Variants in SLK observed in about 807,000 individuals in gnomAD.
The protein encoded by SLK is STE20-like serine/threonine-protein kinase.
A neutral mutation model predicts 147.7 loss-of-function variants in SLK; 67 were observed. That is an observed-to-expected ratio of 0.45 (90% CI 0.37 to 0.56). SLK has a LOEUF of 0.56. Among genes scored for constraint, SLK ranks in the 20% least tolerant of loss-of-function variants. The probability of loss-of-function intolerance (pLI) is 0.00; values close to 1 mark genes in which losing one functional copy is unlikely to be tolerated. For missense variants in SLK, 1,136 were observed against 1,438.8 expected, an observed-to-expected ratio of 0.79 and a Z score of 3.41; for synonymous variants, 441 against 475.0, an observed-to-expected ratio of 0.93 and a Z score of 0.93.
At chr10:104,008,455 G>C in intron 12 of SLK, 99 bp downstream of exon 12, 2 of 747,566 alleles carry the variant, frequency 2.7e-6, no homozygotes, top group Non-Finnish European at 2.2e-6. Context: ...ATACTTGAGA[G>C]TTAAATAGCA....
intron 4 of SLK, among the ~76,000 whole-genome samples, chr10:103,996,795 C>G (rs1177546348): frequency 6.6e-6 from 1 of 152,132 alleles, no homozygotes; most frequent in Non-Finnish European, 1.5e-5. Context: ...TGTTTGTTCC[C>G]TTGCATTGAC....
Position 104,025,753 on chromosome 10 carries a change from C to G in SLK, c.*33C>G. ...AAGCATTCTGTGCGTGGGTTTGGCT[C>G]TTTCAGTATGTCATTCTGTTCTCAT... On this transcript the variant is annotated 3_prime_UTR_variant, in exon 19 of 19. Transcript: ENST00000369755. The G allele has an allele frequency of 6.3e-7, 1 of 1,599,328 alleles. No homozygotes were observed. The highest frequency in any genetic ancestry group is 1.1e-5 in the South Asian group (1 of 90,088).
chr10:103,986,191 T>A (rs962802286), intron 1 of SLK, among the ~76,000 whole-genome samples: 3 of 152,038 alleles, frequency 2.0e-5, no homozygotes, highest in African/African-American at 7.2e-5. Flanking sequence ...AAGTGTGTTA[T>A]GTTTATTGTA....
chr10:103,976,457 C>T (rs1843872220), intron 1 of SLK, among the ~76,000 whole-genome samples: 1 of 151,852 alleles, frequency 6.6e-6, no homozygotes, highest in Admixed American at 6.6e-5. Context: ...TTTTGTTAGC[C>T]ATTCTGTTGA....
intron 18 of SLK, among the ~76,000 whole-genome samples, chr10:104,022,519 C>T (rs1844548867): frequency 6.6e-6 from 1 of 152,246 alleles, no homozygotes; most frequent in African/African-American, 2.4e-5. Context: ...TTCCACCATT[C>T]CTTTCTTCCA....
intron 4 of SLK, among the ~76,000 whole-genome samples, chr10:103,994,457 T>C (rs1397193926): frequency 6.6e-6 from 1 of 152,218 alleles, no homozygotes; most frequent in Non-Finnish European, 1.5e-5. Context: ...CATATAAAAC[T>C]TGGGTTTTTA....
chr10:104,025,896 C>T lies in SLK; in HGVS notation c.*176C>T, dbSNP rs143144952. ...TTTTTAAGCAAAGATGAAGGGAAAA[C>T]GAACTAAGACAGACGCTAGGCCATG... On this transcript the variant is annotated 3_prime_UTR_variant, in exon 19 of 19. Coordinates refer to ENST00000369755, the MANE Select transcript of SLK (RefSeq NM_014720.4). 9.4e-5 allele frequency: 50 copies of T among 533,936 alleles called. No homozygotes were observed. Among genetic ancestry groups the T allele is most frequent in the Admixed American group, 4.7e-4 (13 of 27,720 alleles). 33.1% of individuals were successfully genotyped at this position (533,936 alleles called of 1,614,324 possible).
intron 1 of SLK, among the ~76,000 whole-genome samples, chr10:103,986,617 G>T (rs1440071663): frequency 1.3e-5 from 2 of 151,470 alleles, no homozygotes; most frequent in Non-Finnish European, 2.9e-5. Context: ...TTGTGGCCCT[G>T]TGGTTGGGGA....
At chr10:104,007,495 C>A (rs1020359474) in intron 11 of SLK, among the ~76,000 whole-genome samples, 8 of 152,182 alleles carry the variant, frequency 5.3e-5, no homozygotes, top group Admixed American at 5.2e-4. Flanking sequence ...GTAATTCCAG[C>A]TACTCAGGCG....
intron 7 of SLK, 125 bp from the exon 8 acceptor site, chr10:104,001,318 GT>G: frequency 1.3e-6 from 1 of 741,982 alleles, no homozygotes; most frequent in African/African-American, 1.7e-5. Flanking sequence ...ATTATCTGAA[GT>G]TTTCTGTCAT....
intron 13 of SLK, among the ~76,000 whole-genome samples, chr10:104,017,523 A>T (rs561352735): frequency 2.0e-5 from 3 of 152,122 alleles, no homozygotes; most frequent in Admixed American, 6.6e-5. Context: ...TCTGTCACCC[A>T]GGTTGGAATG....
chr10:104,016,318 CAA>C (rs879554654), intron 13 of SLK, among the ~76,000 whole-genome samples: 15 of 126,440 alleles, frequency 1.2e-4, no homozygotes, highest in Admixed American at 4.0e-4. Context: ...GACTCTCTTT[CAA>C]AAAAAAAAAA....
At position 104,002,005 on chromosome 10, in the gene SLK, C is replaced by T. The variant is rs78031361; in HGVS notation, c.994-167C>T. On this transcript the variant is annotated intron_variant, in intron 8 of 18. Transcript: ENST00000369755. ...TGCTGGGATTACAGGTGTGTGCCAC[C>T]GCACCCGGCCCATTTTTGTTATATT... is the stretch of plus-strand genomic sequence containing the variant. Among the ~76,000 whole-genome samples the T allele has an allele frequency of 2.0e-3, 298 of 152,218 alleles. 7 individuals carry two copies. In the East Asian group the frequency reaches 0.044, roughly 22 times the overall value.
At chr10:103,999,676 A>G (rs947015405) in intron 6 of SLK, among the ~76,000 whole-genome samples, 191 bp from the exon 7 acceptor site, 1 of 152,126 alleles carries the variant, frequency 6.6e-6, no homozygotes, top group Non-Finnish European at 1.5e-5. Context: ...ACCTACTTAC[A>G]TATATGTCTA....
chr10:104,020,801 T>C (rs576450199), intron 17 of SLK, among the ~76,000 whole-genome samples, 188 bp downstream of exon 17: 1 of 152,266 alleles, frequency 6.6e-6, no homozygotes, highest in South Asian at 2.1e-4. Context: ...GTAGATTATA[T>C]ATAACCATGA....
In SLK at chr10:104,003,573, T is replaced by A. The variant is rs1844285225; in HGVS notation, c.2349+46T>A. 5.5e-6 allele frequency: 8 copies of A among 1,457,362 alleles called. No individual in the cohort carries two copies. In the East Asian group the frequency reaches 1.8e-4, roughly 33 times the overall value. 90.3% of individuals were successfully genotyped at this position (1,457,362 alleles called of 1,614,324 possible). A position where few individuals can be genotyped will look rare whatever the true frequency, so the allele number is the denominator to read the frequency against. ...GTTTGGGTTTTCCTTTGCCATTTTC[T>A]CAATTCAGAGTTTATGTGAAATTGA... On this transcript the variant is annotated intron_variant, in intron 9 of 18. Transcript: ENST00000369755.
intron 1 of SLK, among the ~76,000 whole-genome samples, chr10:103,982,265 C>G (rs1217187457): frequency 6.6e-6 from 1 of 152,158 alleles, no homozygotes; most frequent in East Asian, 1.9e-4. Flanking sequence ...CTTTATTACA[C>G]AGTTGTGTTT....
intron 13 of SLK, among the ~76,000 whole-genome samples, chr10:104,016,095 A>G (rs559433577): frequency 2.6e-4 from 40 of 152,136 alleles, no homozygotes; most frequent in African/African-American, 4.6e-4. Context: ...GAGGTGGGCG[A>G]ATCACAAGGT....
intron 13 of SLK, among the ~76,000 whole-genome samples, chr10:104,013,961 A>G (rs1844430715): frequency 6.6e-6 from 1 of 152,230 alleles, no homozygotes. Flanking sequence ...TGAGGCACAG[A>G]AGACTGTGAT....
Sources: allele counts gnomAD v4.1 joint callset (sites outside exome capture counted in the v4.1 genomes callset), GRCh38; gene constraint gnomAD v4.1.1; transcripts MANE v1.5; gene names NCBI Gene and HGNC (gene_info 2026-07-23, HGNC 2026-07-21).